The following ABL1 variants were observed in gnomAD, a reference collection of about 807,000 sequenced individuals.
ABL1 encodes ABL proto-oncogene 1, non-receptor tyrosine kinase.
A neutral mutation model predicts 94.7 loss-of-function variants in ABL1; 11 were observed. The ratio of observed to expected loss-of-function variants is 0.12; its 90% CI spans 0.07 to 0.19. The LOEUF is 0.19. Among genes scored for constraint, ABL1 ranks in the 10% least tolerant of loss-of-function variants. The pLI, the probability that ABL1 is intolerant of heterozygous loss-of-function variation, is 1.00. For synonymous variants in ABL1, 656 were observed against 622.4 expected (o/e 1.05, Z -0.80); for missense variants, 1,082 against 1,489.4 (o/e 0.73, Z 4.50).
In ABL1 at chr9:130,745,840, T is replaced by C. The variant is rs1230074564; in HGVS notation, c.136+31385T>C. 5.3e-5 allele frequency among the ~76,000 whole-genome samples: 8 copies of C among 152,212 alleles called. No homozygotes were observed. In the East Asian group the frequency reaches 1.2e-3, roughly 22 times the overall value. ...AAGAGTAGAATGTACCCCTACCAAA[T>C]TGAAGATCAAATAAATAAAGTGGAC... On this transcript the variant is annotated intron_variant, in intron 1 of 10. Transcript: ENST00000372348.
intron 1 of ABL1, among the ~76,000 whole-genome samples, chr9:130,786,558 T>G (rs1321540886): frequency 1.3e-5 from 2 of 152,228 alleles, no homozygotes; most frequent in East Asian, 3.8e-4. Context: ...ACATCACCTC[T>G]TCCTCGGAAT....
At chr9:130,769,013 CTTTTGAGAGTGGAA>C (rs1832218293) in intron 1 of ABL1, among the ~76,000 whole-genome samples, 1 of 152,086 alleles carries the variant, frequency 6.6e-6, no homozygotes, top group African/African-American at 2.4e-5. Flanking sequence ...TAGTGGTTAT[CTTTTGAGAGTGGAA>C]TGGATCGGGG....
chr9:130,864,126 C>G (rs555134198), intron 4 of ABL1, among the ~76,000 whole-genome samples: 1 of 152,268 alleles, frequency 6.6e-6, no homozygotes, highest in East Asian at 1.9e-4. Context: ...TCCTAGAAAC[C>G]AAAGGTGGCT....
chr9:130,724,707 A>G lies in ABL1; in HGVS notation c.136+10252A>G, dbSNP rs527298280. On this transcript the variant is annotated intron_variant, in intron 1 of 10. Coordinates refer to the ABL1 transcript ENST00000372348. ...AATCCCAGCTACCTGGGATTGTGCC[A>G]CTGCACTCCAGCCTGGGCGACAGAG... 811 of 381,704 alleles carry G rather than the reference A, an allele frequency of 2.1e-3. 5 individuals carry two copies. Among genetic ancestry groups the G allele is most frequent in the Admixed American group, 4.6e-3 (162 of 35,382 alleles). 23.6% of individuals were successfully genotyped at this position (381,704 alleles called of 1,614,324 possible).
Position 130,862,445 on chromosome 9 carries a change from A to G in ABL1, c.550-318A>G, listed in dbSNP as rs1294362629. 6.6e-6 allele frequency among the ~76,000 whole-genome samples: 1 copy of G among 152,162 alleles called. No homozygotes were observed. The highest frequency in any genetic ancestry group is 1.9e-4 in the East Asian group (1 of 5,192). ...TGGGTGGTTGGGGAAGACTTCACGG[A>G]CCTTAAAACTGGCCTTGGAACGGGA... On this transcript the variant is annotated intron_variant, in intron 3 of 10. Transcript: ENST00000318560. This position sits in a 1 kb window ranked among gnomAD's most constrained non-coding sequence, Gnocchi z 5.5.
chr9:130,772,499 T>C (rs1832264800), intron 1 of ABL1, among the ~76,000 whole-genome samples: 1 of 152,200 alleles, frequency 6.6e-6, no homozygotes, highest in Non-Finnish European at 1.5e-5. Context: ...TGAAGAATTA[T>C]AGCGGTTGAG....
intron 1 of ABL1, among the ~76,000 whole-genome samples, chr9:130,725,498 A>C (rs909189449): frequency 6.6e-6 from 1 of 151,870 alleles, no homozygotes; most frequent in Non-Finnish European, 1.5e-5. Context: ...CTTCTGCCTC[A>C]CCCTCCCAAG....
At chr9:130,724,903 A>G (rs751199925) in intron 1 of ABL1, 22 of 400,234 alleles carry the variant, frequency 5.5e-5, no homozygotes, top group Non-Finnish European at 9.0e-5. Flanking sequence ...GCCTTGGCAC[A>G]CCAGTCATAC....
chr9:130,763,009 C>T (rs1365429671), intron 1 of ABL1, among the ~76,000 whole-genome samples: 1 of 152,078 alleles, frequency 6.6e-6, no homozygotes, highest in Non-Finnish European at 1.5e-5. Flanking sequence ...CTTCTCCTTC[C>T]ATGTCACAAA....
At chr9:130,741,404 T>C (rs1831816281) in intron 1 of ABL1, among the ~76,000 whole-genome samples, 1 of 150,862 alleles carries the variant, frequency 6.6e-6, no homozygotes, top group African/African-American at 2.4e-5. Flanking sequence ...CACACTGATA[T>C]ACCAGTTACC....
chr9:130,806,256 A>G (rs1013562531), intron 1 of ABL1, among the ~76,000 whole-genome samples: 1 of 152,208 alleles, frequency 6.6e-6, no homozygotes, highest in Non-Finnish European at 1.5e-5. Flanking sequence ...CTTAACAGAT[A>G]TACAAACATG....
intron 1 of ABL1, among the ~76,000 whole-genome samples, chr9:130,772,106 A>G (rs189745458): frequency 3.5e-4 from 54 of 152,276 alleles, no homozygotes; most frequent in African/African-American, 1.3e-3. Context: ...AGGGAGAATA[A>G]TGTTAACATT....
In ABL1 at chr9:130,872,146, G is replaced by A; in HGVS notation, c.840G>A (p.Val280=). Residue 280 remains valine, a synonymous_variant, in exon 5 of 11, where the codon GTG becomes GTA. Coordinates refer to ENST00000318560, the MANE Select transcript of ABL1 (RefSeq NM_005157.6). This position sits in a 1 kb window ranked among gnomAD's most constrained non-coding sequence, Gnocchi z 5.0. ...VKTLKEDTME[V]EEFLKEAAVM... ...TTCTGCAGGAGGACACCATGGAGGT[G>A]GAAGAGTTCTTGAAAGAAGCTGCAG... The A allele has an allele frequency of 1.9e-6, 3 of 1,614,190 alleles. No individual in the cohort carries two copies. Among genetic ancestry groups the A allele is most frequent in the South Asian group, 2.2e-5 (2 of 91,078 alleles).
intron 1 of ABL1, among the ~76,000 whole-genome samples, chr9:130,719,386 G>C (rs568833969): frequency 1.3e-5 from 2 of 151,996 alleles, no homozygotes; most frequent in Non-Finnish European, 2.9e-5. Context: ...AAAATTAGCT[G>C]GGCGTGGTTG....
At chr9:130,748,870 C>T (rs1831921001) in intron 1 of ABL1, among the ~76,000 whole-genome samples, 1 of 152,218 alleles carries the variant, frequency 6.6e-6, no homozygotes. Context: ...AGCCACTGCG[C>T]TTGGCCTCTA....
chr9:130,775,189 A>C (rs1320829948), intron 1 of ABL1, among the ~76,000 whole-genome samples: 1 of 152,202 alleles, frequency 6.6e-6, no homozygotes, highest in African/African-American at 2.4e-5. Context: ...CTCAGTCTTA[A>C]CACCAGATTC....
At chr9:130,736,558 T>A (rs899780516) in intron 1 of ABL1, among the ~76,000 whole-genome samples, 28 of 151,760 alleles carry the variant, frequency 1.8e-4, no homozygotes, top group Non-Finnish European at 2.8e-4. Flanking sequence ...TAGTGTGATC[T>A]CGGCCCCACC....
chr9:130,853,112 G>C (rs983293465), intron 1 of ABL1, among the ~76,000 whole-genome samples: 6 of 151,534 alleles, frequency 4.0e-5, no homozygotes, highest in East Asian at 1.9e-4. Flanking sequence ...GAGCGGAGAG[G>C]ACTGGGATAG....
In ABL1 at chr9:130,731,275, G is replaced by A. The variant is rs569561557; in HGVS notation, c.136+16820G>A. Among the ~76,000 whole-genome samples the A allele has an allele frequency of 2.0e-5, 3 of 152,158 alleles. No individual in the cohort carries two copies. The South Asian group carries it at 6.2e-4, about 32-fold the overall frequency. ...ACCCACCTTGGCCTCCCAAAGTGCT[G>A]GGGTTACAGACGTGAGCCACTGCGT... On this transcript the variant is annotated intron_variant, in intron 1 of 10. Coordinates refer to the ABL1 transcript ENST00000372348.
Sources: gnomAD v4.1 joint callset for allele counts (sites outside exome capture counted in the v4.1 genomes callset) on GRCh38, gnomAD v4.1.1 for gene constraint, Gnocchi (gnomAD v3.1) non-coding constraint, MANE v1.5 for transcripts, NCBI Gene and HGNC (gene_info 2026-07-23, HGNC 2026-07-21) for gene names.